Variants in OVCH2 observed in about 807,000 individuals in gnomAD.
OVCH2 encodes the protein ovochymase-2.
Under a neutral mutation model 73.7 loss-of-function variants are expected in OVCH2, and 88 were observed. The observed-to-expected ratio is 1.19, with a 90% CI of 1.01 to 1.43. The LOEUF (loss-of-function observed/expected upper bound fraction) is 1.43. Among genes scored for constraint, OVCH2 ranks in the 40% most tolerant of loss-of-function variants. The probability of loss-of-function intolerance (pLI) is 0.00; values close to 1 mark genes in which losing one functional copy is unlikely to be tolerated. For missense variants in OVCH2, 706 were observed against 674.5 expected, an observed-to-expected ratio of 1.05 and a Z score of -0.52; for synonymous variants, 265 against 234.5, an observed-to-expected ratio of 1.13 and a Z score of -1.19.
Position 7,692,002 on chromosome 11 carries a change from A to C in OVCH2, c.1414-7T>G. The C allele has an allele frequency of 6.4e-7, 1 of 1,551,158 alleles. No homozygotes were observed. Among genetic ancestry groups the C allele is most frequent in the South Asian group, 1.2e-5 (1 of 84,482 alleles). ...CCAGACTCTGAAATGAAAGCTGAGA[A>C]GACACGAAGTTACATCCAGAGTAAA... On this transcript the variant is annotated splice_polypyrimidine_tract_variant and splice_region_variant and intron_variant, in intron 12 of 15. Coordinates refer to ENST00000533663, the MANE Select transcript of OVCH2 (RefSeq NM_198185.7).
Position 7,701,814 on chromosome 11 carries a change from G to T in OVCH2, c.464-3C>A, listed in dbSNP as rs367671781. 6.2e-7 allele frequency: 1 copy of T among 1,605,896 alleles called. No homozygotes were observed. The highest frequency in any genetic ancestry group is 8.5e-7 in the Non-Finnish European group (1 of 1,175,954). On this transcript the variant is annotated splice_region_variant and splice_polypyrimidine_tract_variant and intron_variant, in intron 4 of 15. Transcript: ENST00000533663. The stretch of plus-strand genomic sequence containing the variant: ...ACATATGGGCCCCACAAAGTGGCCT[G>T]AAGAAAAGAGCAAGGTAGGGCTTGT...
At chr11:7,694,952 A>G in intron 12 of OVCH2, 106 bp downstream of exon 12, 1 of 1,346,350 alleles carries the variant, frequency 7.4e-7, no homozygotes, top group Non-Finnish European at 1.0e-6. Flanking sequence ...CTAGGTACTG[A>G]AAACACAGCA....
chr11:7,681,683 C>G, the OVCH2 span, among the ~76,000 whole-genome samples: 63,605 of 151,614 alleles, frequency 0.42, 16,451 homozygotes, highest in African/African-American at 0.73. Context: ...TTAGAGCCTC[C>G]AGAAGGAATT....
Position 7,695,465 on chromosome 11 carries a change from A to T in OVCH2, c.1282+105T>A. The T allele has an allele frequency of 2.6e-6, 3 of 1,158,572 alleles. No homozygotes were observed. The South Asian group carries it at 4.6e-5, about 18-fold the overall frequency. The allele number at this position is 1,158,572 out of a possible 1,614,324, so 71.8% of individuals were successfully genotyped here. ...CTGTGCCCCTCTCCCATGTGGAGTC[A>T]GTTGGGCCTTGGGAGAGGGATCCCT... On this transcript the variant is annotated intron_variant, in intron 11 of 15. Coordinates refer to ENST00000533663, the MANE Select transcript of OVCH2 (RefSeq NM_198185.7).
intron 8 of OVCH2, among the ~76,000 whole-genome samples, chr11:7,697,571 C>T (rs1157702779): frequency 6.6e-6 from 1 of 152,178 alleles, no homozygotes; most frequent in African/African-American, 2.4e-5. Flanking sequence ...TTCCTTGGGT[C>T]AGCAAAACTG....
At chr11:7,703,083 C>A (rs902302678) in intron 3 of OVCH2, among the ~76,000 whole-genome samples, 3 of 152,154 alleles carry the variant, frequency 2.0e-5, no homozygotes, top group Admixed American at 2.0e-4. Flanking sequence ...CATTTTGGTA[C>A]CTTTGGTATC....
In OVCH2 at chr11:7,703,693, CT is replaced by C; in HGVS notation, c.290+4del. 1 of 1,596,636 alleles carries C rather than the reference CT, an allele frequency of 6.3e-7. No individual in the cohort carries two copies. Among genetic ancestry groups the C allele is most frequent in the Non-Finnish European group, 8.5e-7 (1 of 1,171,642 alleles). On this transcript the variant is annotated splice_donor_region_variant and intron_variant, in intron 3 of 15. Transcript: ENST00000533663. The stretch of plus-strand genomic sequence containing the variant: ...GTCTTCACTCATGGGCTAGGCCTTT[CT>C]TACCTGTTTGCAATGCAGTGAGCCG...
the OVCH2 span, among the ~76,000 whole-genome samples, chr11:7,680,828 ATGAT>A: frequency 2.0e-5 from 3 of 152,250 alleles, no homozygotes; most frequent in African/African-American, 4.8e-5. Flanking sequence ...CAATAAATGA[ATGAT>A]TGTTTTTGTC....
downstream of OVCH2, among the ~76,000 whole-genome samples, chr11:7,687,437 C>T (rs1166864430): frequency 1.1e-4 from 16 of 152,086 alleles, no homozygotes. Flanking sequence ...GCTTCTATGA[C>T]TCTATGACTC....
At position 7,703,742 on chromosome 11, in the gene OVCH2, G is replaced by C; in HGVS notation, c.246C>G (p.Val82=). ...RQKHICGGSI[V]SPQWVITAAH... ...CCGCCGTGATCACCCACTGTGGTGA[G>C]ACGATGCTTCCTCCACAAATATGCT... is the stretch of plus-strand genomic sequence containing the variant. The change falls in exon 3 of 16, where the codon GTC becomes GTG. Residue 82 remains valine (V), a synonymous_variant. Transcript: ENST00000533663. 6.2e-7 allele frequency: 1 copy of C among 1,611,104 alleles called. No individual in the cohort carries two copies. Among genetic ancestry groups the C allele is most frequent in the South Asian group, 1.1e-5 (1 of 90,232 alleles).
Position 7,691,384 on chromosome 11 carries a change from A to G in OVCH2, c.1524T>C (p.Tyr508=). The G allele has an allele frequency of 6.2e-7, 1 of 1,613,288 alleles. No homozygotes were observed. Among genetic ancestry groups the G allele is most frequent in the Non-Finnish European group, 8.5e-7 (1 of 1,179,496 alleles). The change falls in exon 14 of 16, where the codon TAT becomes TAC. Residue 508 remains tyrosine, a synonymous_variant. Coordinates refer to ENST00000533663, the MANE Select transcript of OVCH2 (RefSeq NM_198185.7). ...RKKEIARLCG[Y]DVPTPVLSPS... is the part of the protein sequence containing the mutation. ...GGCTCAGCACAGGGGTGGGGACATCATAGCCACACAGCCGAGCTTGTTGAA... is the reference window on the plus strand; with the variant it reads ...GGCTCAGCACAGGGGTGGGGACATCGTAGCCACACAGCCGAGCTTGTTGAA...
Position 7,695,171 on chromosome 11 carries a change from AG to A in OVCH2, c.1299del (p.Leu434Ter). On this transcript the variant is annotated frameshift_variant, in exon 12 of 16. Coordinates refer to ENST00000533663, the MANE Select transcript of OVCH2 (RefSeq NM_198185.7). LOFTEE classifies it high-confidence loss of function. ...AGACCTTCTTCAAAAAGGACAGTTA[AG>A]TAACTGCAACCTGAATCTGAAACGT... ...PNYIPDSGCSYLTVLFEEGLI... is the reference protein window; with the variant it reads ...PNYIPDSGCSXLTVLFEEGLI... 1 of 1,559,428 alleles carries A rather than the reference AG, an allele frequency of 6.4e-7. No individual in the cohort carries two copies. Among genetic ancestry groups the A allele is most frequent in the Non-Finnish European group, 8.7e-7 (1 of 1,152,628 alleles).
downstream of OVCH2, among the ~76,000 whole-genome samples, chr11:7,686,718 G>A (rs1856145389): frequency 6.6e-6 from 1 of 152,142 alleles, no homozygotes. Context: ...TCAGAGAGTA[G>A]AACATTTCTG....
In OVCH2 at chr11:7,695,196, G is replaced by A. The variant is rs117264632; in HGVS notation, c.1283-8C>T. The A allele has an allele frequency of 1.8e-3, 2,790 of 1,551,840 alleles. 6 individuals carry two copies. Among genetic ancestry groups the A allele is most frequent in the Non-Finnish European group, 2.2e-3 (2,529 of 1,150,240 alleles). ...AGTAACTGCAACCTGAATCTGAAACGTAAGAAAAAGTCCAAACAGATGGCA... is the reference window on the plus strand; with the variant it reads ...AGTAACTGCAACCTGAATCTGAAACATAAGAAAAAGTCCAAACAGATGGCA... On this transcript the variant is annotated splice_region_variant and splice_polypyrimidine_tract_variant and intron_variant, in intron 11 of 15. Transcript: ENST00000533663.
chr11:7,680,378 A>C, the OVCH2 span, among the ~76,000 whole-genome samples: 7,518 of 152,286 alleles, frequency 0.049, 604 homozygotes, highest in African/African-American at 0.17. Context: ...ATTGAGGGAA[A>C]GAACAGGACA....
At chr11:7,681,867 A>G in the OVCH2 span, among the ~76,000 whole-genome samples, 3,827 of 151,674 alleles carry the variant, frequency 0.025, 77 homozygotes, top group Non-Finnish European at 0.04. Context: ...AAAAAAAAAA[A>G]AAAAAGAAAA....
At chr11:7,687,481 G>C (rs557186820), downstream of OVCH2, among the ~76,000 whole-genome samples, 2 of 152,236 alleles carry the variant, frequency 1.3e-5, no homozygotes, top group East Asian at 1.9e-4. Context: ...ACAGAGGCCA[G>C]AGGCTCAGAA....
At chr11:7,696,907 C>G (rs2136156505) in intron 8 of OVCH2, 108 bp from the exon 9 acceptor site, 1 of 979,928 alleles carries the variant, frequency 1.0e-6, no homozygotes, top group Non-Finnish European at 1.5e-6. Context: ...TCTTGATGTA[C>G]TCTTCGTTCT....
At position 7,706,360 on chromosome 11, in the gene OVCH2, A is replaced by G. The variant is rs1391078104; in HGVS notation, c.35T>C (p.Leu12Pro). 1 of 1,587,596 alleles carries G rather than the reference A, an allele frequency of 6.3e-7. No individual in the cohort carries two copies. Among genetic ancestry groups the G allele is most frequent in the Non-Finnish European group, 8.6e-7 (1 of 1,165,234 alleles). Residue 12 changes from leucine to proline, a missense_variant, in exon 1 of 16, where the codon CTA becomes CCA. Physicochemically the swap from Leu to Pro is moderately conservative, Grantham distance 98 (BLOSUM62 -3). Transcript: ENST00000533663. ...LISRNKLILL[L>P]GIVFFERGKS... ...ACCTCGTTCAAAAAAGACTATTCCT[A>G]GTAGTAAAATCAGCTTGTTCCTGCT...
Sources: gnomAD v4.1 joint callset for allele counts (sites outside exome capture counted in the v4.1 genomes callset) on GRCh38, gnomAD v4.1.1 for gene constraint, MANE v1.5 for transcripts, NCBI Gene and HGNC (gene_info 2026-07-23, HGNC 2026-07-21) for gene names.